NPAS3: variants seen among roughly 807,000 people sequenced by gnomAD.
The protein encoded by NPAS3 is neuronal PAS domain-containing protein 3.
NPAS3 carries 14 observed loss-of-function variants against 73.1 expected under a neutral mutation model. The ratio of observed to expected loss-of-function variants is 0.19; its 90% CI spans 0.13 to 0.30. The LOEUF is 0.30. Among genes scored for constraint, NPAS3 ranks in the 10% least tolerant of loss-of-function variants. The pLI is 1.00. For synonymous variants in NPAS3, 620 were observed against 541.5 expected (o/e 1.14, Z -2.01); for missense variants, 1,096 against 1,250.0 (o/e 0.88, Z 1.86).
chr14:33,109,541 T>G (rs939349380), intron 2 of NPAS3, among the ~76,000 whole-genome samples: 4 of 152,168 alleles, frequency 2.6e-5, no homozygotes, highest in African/African-American at 9.6e-5. Context: ...GTAGTTTACA[T>G]CTTTGGTAAA....
At chr14:33,043,902 A>G (rs80029626) in intron 1 of NPAS3, among the ~76,000 whole-genome samples, 6,288 of 152,250 alleles carry the variant, frequency 0.041, 147 homozygotes, top group East Asian at 0.06. Context: ...CCAAAGGAAT[A>G]TCATCCAGTA....
chr14:33,404,926 T>C (rs1319059535), intron 4 of NPAS3, among the ~76,000 whole-genome samples: 1 of 152,108 alleles, frequency 6.6e-6, no homozygotes, highest in African/African-American at 2.4e-5. Flanking sequence ...GTCATTGTTG[T>C]CTGTTTGTCC....
chr14:33,190,321 T>A (rs2139501403), intron 2 of NPAS3, among the ~76,000 whole-genome samples: 1 of 152,286 alleles, frequency 6.6e-6, no homozygotes, highest in Middle Eastern at 3.4e-3. Context: ...GTAAATAAGG[T>A]GAGGTTTATA....
At chr14:32,983,941 C>T (rs774112166) in intron 1 of NPAS3, among the ~76,000 whole-genome samples, 5 of 152,084 alleles carry the variant, frequency 3.3e-5, no homozygotes, top group Non-Finnish European at 5.9e-5. Context: ...AGGCTGGTCT[C>T]GAACTCCTGA....
intron 4 of NPAS3, among the ~76,000 whole-genome samples, chr14:33,541,124 T>TGTGTGTGC (rs1566985364): frequency 9.7e-4 from 146 of 150,978 alleles, no homozygotes; most frequent in African/African-American, 3.3e-3. Context: ...TGTGTGTGTG[T>TGTGTGTGC]GTGCATGCAC....
At chr14:33,620,597 T>C (rs1806575674) in intron 5 of NPAS3, among the ~76,000 whole-genome samples, 1 of 152,190 alleles carries the variant, frequency 6.6e-6, no homozygotes, top group Non-Finnish European at 1.5e-5. Context: ...CTAGAATAAA[T>C]TGACTTCAGA....
chr14:33,453,138 G>A (rs1434134909), intron 4 of NPAS3, among the ~76,000 whole-genome samples: 4 of 152,126 alleles, frequency 2.6e-5, no homozygotes, highest in East Asian at 1.9e-4. Flanking sequence ...CAGGTGTGCC[G>A]GCCTCACCAA....
chr14:33,208,338 T>G (rs193266754), intron 2 of NPAS3, among the ~76,000 whole-genome samples: 56 of 152,326 alleles, frequency 3.7e-4, no homozygotes, highest in African/African-American at 1.3e-3. Context: ...TGACTCATTC[T>G]GGAATTAAAT....
chr14:33,395,406 G>GTTT (rs33960337), intron 4 of NPAS3, among the ~76,000 whole-genome samples: 2 of 149,750 alleles, frequency 1.3e-5, no homozygotes, highest in East Asian at 2.0e-4. Flanking sequence ...CATAGTTCAA[G>GTTT]TTTTTTTTTT....
At chr14:33,115,164 G>T (rs1366190097) in intron 2 of NPAS3, among the ~76,000 whole-genome samples, 1 of 152,292 alleles carries the variant, frequency 6.6e-6, no homozygotes, top group Admixed American at 6.5e-5. Flanking sequence ...ATATCGGAAA[G>T]GGATAGGTGG....
chr14:33,417,616 C>T (rs776433503), intron 4 of NPAS3, among the ~76,000 whole-genome samples: 77 of 151,970 alleles, frequency 5.1e-4, no homozygotes, highest in Non-Finnish European at 9.6e-4. Flanking sequence ...TTGCTTTGAA[C>T]TTTGTTGCCA....
intron 4 of NPAS3, among the ~76,000 whole-genome samples, chr14:33,521,676 T>A (rs2053563589): frequency 1.3e-5 from 2 of 152,170 alleles, no homozygotes; most frequent in African/African-American, 2.4e-5. Flanking sequence ...GACCATTTTT[T>A]TCATGTTGTT....
chr14:33,708,122 G>A (rs1216236219), intron 6 of NPAS3, among the ~76,000 whole-genome samples: 2 of 152,012 alleles, frequency 1.3e-5, no homozygotes, highest in African/African-American at 2.4e-5. Flanking sequence ...GCACCTCACC[G>A]TGTTCATGGC....
intron 6 of NPAS3, among the ~76,000 whole-genome samples, chr14:33,678,993 C>T (rs2059853414): frequency 6.6e-6 from 1 of 152,152 alleles, no homozygotes; most frequent in African/African-American, 2.4e-5. Context: ...TGTTAACTCT[C>T]TCCTTTAAAG....
At chr14:33,693,882 T>C (rs1376069674) in intron 6 of NPAS3, among the ~76,000 whole-genome samples, 3 of 152,178 alleles carry the variant, frequency 2.0e-5, no homozygotes, top group African/African-American at 7.2e-5. Context: ...TTGTGTTTTG[T>C]TCTTCATCAT....
intron 3 of NPAS3, among the ~76,000 whole-genome samples, chr14:33,280,791 C>A (rs1372095423): frequency 6.6e-6 from 1 of 152,126 alleles, no homozygotes; most frequent in Non-Finnish European, 1.5e-5. Context: ...CGCAGCTAGT[C>A]CTCTTCTTTA....
intron 5 of NPAS3, among the ~76,000 whole-genome samples, chr14:33,589,319 T>A (rs1256726024): frequency 2.0e-5 from 3 of 152,240 alleles, no homozygotes; most frequent in South Asian, 4.1e-4. Flanking sequence ...TGTAGTTGAA[T>A]GCTGCTTATG....
At chr14:33,139,683 C>A (rs2043971920) in intron 2 of NPAS3, among the ~76,000 whole-genome samples, 1 of 152,136 alleles carries the variant, frequency 6.6e-6, no homozygotes, top group South Asian at 2.1e-4. Context: ...AGCCATTAGC[C>A]CTATGTGGCT....
intron 4 of NPAS3, among the ~76,000 whole-genome samples, chr14:33,534,927 G>T (rs570124733): frequency 6.6e-6 from 1 of 152,258 alleles, no homozygotes; most frequent in South Asian, 2.1e-4. Flanking sequence ...CAGGACGTGT[G>T]CTGTGTCTGC....
Sources: allele counts gnomAD v4.1 joint callset (sites outside exome capture counted in the v4.1 genomes callset), GRCh38; gene constraint gnomAD v4.1.1; transcripts MANE v1.5; gene names NCBI Gene and HGNC (gene_info 2026-07-23, HGNC 2026-07-21).